The following ZBTB7C variants were observed in gnomAD, a reference collection of about 807,000 sequenced individuals.
ZBTB7C encodes the protein zinc finger and BTB domain-containing protein 7C.
Under a neutral mutation model 25.7 loss-of-function variants are expected in ZBTB7C, and 8 were observed. The ratio of observed to expected loss-of-function variants is 0.31; its 90% CI spans 0.18 to 0.56. The LOEUF is 0.56. Among genes scored for constraint, ZBTB7C ranks in the 20% least tolerant of loss-of-function variants. The probability of loss-of-function intolerance (pLI) is 0.91; values close to 1 mark genes in which losing one functional copy is unlikely to be tolerated. For missense variants in ZBTB7C, 824 were observed against 855.2 expected, an observed-to-expected ratio of 0.96 and a Z score of 0.46; for synonymous variants, 394 against 369.0, an observed-to-expected ratio of 1.07 and a Z score of -0.78.
chr18:48,103,614 C>T (rs929541012), intron 3 of ZBTB7C, among the ~76,000 whole-genome samples: 5 of 152,164 alleles, frequency 3.3e-5, no homozygotes, highest in African/African-American at 1.2e-4. Flanking sequence ...AAACTTACAT[C>T]CCCATAAAAA....
intron 2 of ZBTB7C, among the ~76,000 whole-genome samples, chr18:48,296,502 T>C (rs1451840457): frequency 1.3e-5 from 2 of 152,244 alleles, no homozygotes; most frequent in Admixed American, 1.3e-4. Flanking sequence ...TTGTCTTTTC[T>C]GAAGTCTTGG....
intron 2 of ZBTB7C, among the ~76,000 whole-genome samples, chr18:48,289,856 G>T (rs2045169858): frequency 6.6e-6 from 1 of 152,198 alleles, no homozygotes; most frequent in Non-Finnish European, 1.5e-5. Context: ...TCCTAGAAGG[G>T]TGCATGTTAG....
At chr18:48,401,432 G>A (rs2048156629) in intron 1 of ZBTB7C, among the ~76,000 whole-genome samples, 1 of 152,060 alleles carries the variant, frequency 6.6e-6, no homozygotes, top group Admixed American at 6.5e-5. Flanking sequence ...CCACTGCATA[G>A]GTGAGGAAAC....
chr18:48,363,777 A>C (rs2047163887), intron 1 of ZBTB7C, among the ~76,000 whole-genome samples: 1 of 152,030 alleles, frequency 6.6e-6, no homozygotes. Context: ...TAATCAGAAA[A>C]ACCTCACTGG....
chr18:48,184,491 C>T (rs2042005477), intron 3 of ZBTB7C, among the ~76,000 whole-genome samples: 1 of 152,158 alleles, frequency 6.6e-6, no homozygotes. Context: ...CTTTGTAAAG[C>T]ACCTATGAGG....
intron 2 of ZBTB7C, among the ~76,000 whole-genome samples, chr18:48,204,337 T>C (rs986734170): frequency 1.3e-5 from 2 of 152,202 alleles, no homozygotes; most frequent in Admixed American, 1.3e-4. Context: ...CGGATCTTTT[T>C]ACCTAGATAC....
Position 48,029,229 on chromosome 18 carries a change from G to C in ZBTB7C, c.*31C>G. 6.6e-7 allele frequency: 1 copy of C among 1,521,000 alleles called. No individual in the cohort carries two copies. The highest frequency in any genetic ancestry group is 8.7e-7 in the Non-Finnish European group (1 of 1,143,856). 94.2% of individuals were successfully genotyped at this position (1,521,000 alleles called of 1,614,324 possible). A position where few individuals can be genotyped will look rare whatever the true frequency, so the allele number is the denominator to read the frequency against. The stretch of plus-strand genomic sequence containing the variant: ...GGGCCTGGAGGGAGAAGGACTGGAG[G>C]GCTGGTGGGCTGGAGCCGACAGGGA... On this transcript the variant is annotated 3_prime_UTR_variant, in exon 5 of 5. Transcript: ENST00000590800.
At chr18:48,273,215 A>G (rs2044543495) in intron 2 of ZBTB7C, among the ~76,000 whole-genome samples, 1 of 152,208 alleles carries the variant, frequency 6.6e-6, no homozygotes, top group Admixed American at 6.5e-5. Flanking sequence ...CACCGATCAT[A>G]AAGCTCATAT....
At chr18:48,409,972 C>T (rs1281687602), upstream of ZBTB7C, among the ~76,000 whole-genome samples, 3 of 117,822 alleles carry the variant, frequency 2.5e-5, no homozygotes. Context: ...CCACACCCGA[C>T]CCGGGGCAGC....
intron 3 of ZBTB7C, among the ~76,000 whole-genome samples, chr18:48,097,173 T>C (rs991355289): frequency 6.6e-6 from 1 of 152,154 alleles, no homozygotes; most frequent in Non-Finnish European, 1.5e-5. Context: ...GGTAGGTAAC[T>C]GACTTAAGCT....
intron 1 of ZBTB7C, among the ~76,000 whole-genome samples, chr18:48,343,798 T>A (rs1289000908): frequency 6.6e-6 from 1 of 152,024 alleles, no homozygotes; most frequent in Non-Finnish European, 1.5e-5. Context: ...CCCCCTCCTC[T>A]CTCCCAACCT....
intron 3 of ZBTB7C, among the ~76,000 whole-genome samples, chr18:48,078,266 C>T (rs2037850024): frequency 6.6e-6 from 1 of 152,212 alleles, no homozygotes; most frequent in African/African-American, 2.4e-5. Context: ...CGGGAGAGAG[C>T]CCAGGAAAAT....
At chr18:48,214,109 G>C (rs2042767770) in intron 2 of ZBTB7C, among the ~76,000 whole-genome samples, 1 of 152,192 alleles carries the variant, frequency 6.6e-6, no homozygotes, top group African/African-American at 2.4e-5. Flanking sequence ...TTTTCTCCAA[G>C]TCAATTTTTT....
At chr18:48,342,031 C>T (rs2046613826) in intron 1 of ZBTB7C, among the ~76,000 whole-genome samples, 1 of 152,196 alleles carries the variant, frequency 6.6e-6, no homozygotes, top group South Asian at 2.1e-4. Flanking sequence ...GAAAGAGGTG[C>T]AGAAACTGGA....
intron 2 of ZBTB7C, among the ~76,000 whole-genome samples, chr18:48,258,507 A>G (rs545447333): frequency 2.6e-5 from 4 of 152,368 alleles, no homozygotes; most frequent in African/African-American, 9.6e-5. Flanking sequence ...AAATACAACA[A>G]TAGATGTGCA....
chr18:48,094,836 T>C (rs1380305288), intron 3 of ZBTB7C, among the ~76,000 whole-genome samples: 2 of 152,084 alleles, frequency 1.3e-5, no homozygotes, highest in Admixed American at 6.5e-5. Context: ...TGGAACACTT[T>C]GAAACGAAAA....
chr18:48,202,421 A>G (rs1335673631), intron 2 of ZBTB7C, among the ~76,000 whole-genome samples: 1 of 130,892 alleles, frequency 7.6e-6, no homozygotes, highest in African/African-American at 2.9e-5. Flanking sequence ...GGTGAGAGAA[A>G]GTGAAGCAGG....
At chr18:48,128,432 T>C (rs1050982729) in intron 3 of ZBTB7C, among the ~76,000 whole-genome samples, 2 of 152,212 alleles carry the variant, frequency 1.3e-5, no homozygotes, top group African/African-American at 4.8e-5. Context: ...CGGTTCACAA[T>C]TGTAAAGATA....
At chr18:48,066,462 C>T (rs4417607) in intron 3 of ZBTB7C, among the ~76,000 whole-genome samples, 3,972 of 152,252 alleles carry the variant, frequency 0.026, 78 homozygotes, top group Middle Eastern at 0.044. Flanking sequence ...GAGTGAGAGG[C>T]GAGTGTGCAG....
Sources: gnomAD v4.1 joint callset for allele counts (sites outside exome capture counted in the v4.1 genomes callset) on GRCh38, gnomAD v4.1.1 for gene constraint, MANE v1.5 for transcripts, NCBI Gene and HGNC (gene_info 2026-07-23, HGNC 2026-07-21) for gene names.